The following ZNF860 variants were observed in gnomAD, a reference collection of about 807,000 sequenced individuals.
ZNF860 encodes the protein zinc finger protein 860.
For missense variants in ZNF860, 641 were observed against 759.2 expected (o/e 0.84, Z 1.83); for synonymous variants, 206 against 248.9 (o/e 0.83, Z 1.62).
chr3:31,996,507 A>G (rs113172195), downstream of ZNF860, among the ~76,000 whole-genome samples: 45,338 of 151,716 alleles, frequency 0.3, 8,811 homozygotes, highest in African/African-American at 0.55. Context: ...CAGGGGGAGA[A>G]GGGGGTTAGT....
At chr3:32,000,642 C>T in the ZNF860 span, among the ~76,000 whole-genome samples, 1 of 152,198 alleles carries the variant, frequency 6.6e-6, no homozygotes, top group Non-Finnish European at 1.5e-5. Flanking sequence ...TTCCTCGTGA[C>T]GGTTGTTCCT....
chr3:32,001,081 G>A, the ZNF860 span, among the ~76,000 whole-genome samples: 1 of 152,198 alleles, frequency 6.6e-6, no homozygotes, highest in Non-Finnish European at 1.5e-5. Context: ...AGAGATGAGT[G>A]AAGGCATCTA....
chr3:32,006,225 C>T, the ZNF860 span, among the ~76,000 whole-genome samples: 4 of 151,804 alleles, frequency 2.6e-5, no homozygotes, highest in Non-Finnish European at 2.9e-5. Flanking sequence ...GGATTACAGG[C>T]GTGAGCCACC....
At chr3:32,002,701 G>C in the ZNF860 span, among the ~76,000 whole-genome samples, 452 of 152,282 alleles carry the variant, frequency 3.0e-3, 2 homozygotes, top group Non-Finnish European at 3.0e-3. Context: ...TAAGATTTTA[G>C]AGAAAAAAGG....
At position 31,989,526 on chromosome 3, in the gene ZNF860, G is replaced by T. The variant is rs1401399705; in HGVS notation, c.447G>T (p.Lys149Asn). The T allele has an allele frequency of 1.2e-6, 2 of 1,614,192 alleles. No homozygotes were observed. Among genetic ancestry groups the T allele is most frequent in the African/African-American group, 2.7e-5 (2 of 75,046 alleles). Reference protein sequence around the residue: ...DRYDRRHPGNKPIKDQLGLSF... With the variant: ...DRYDRRHPGNNPIKDQLGLSF... ...ATGATCGAAGGCATCCTGGAAACAA[G>T]CCTATCAAAGATCAGCTTGGATTAA... Residue 149 changes from lysine (K) to asparagine (N), a missense_variant, in exon 2 of 2, where the codon AAG (lysine) becomes AAT (asparagine). Coordinates refer to ENST00000360311, the MANE Select transcript of ZNF860 (RefSeq NM_001137674.3).
chr3:31,994,491 AGGATGGAT>A (rs200832488), downstream of ZNF860, among the ~76,000 whole-genome samples: 2,288 of 149,730 alleles, frequency 0.015, 50 homozygotes, highest in African/African-American at 0.052. Context: ...AGGGAAAAAA[AGGATGGAT>A]GGATGGATGG....
chr3:31,983,422 C>T (rs1160746622), intron 1 of ZNF860, among the ~76,000 whole-genome samples: 5 of 152,166 alleles, frequency 3.3e-5, no homozygotes, highest in African/African-American at 4.8e-5. Flanking sequence ...AATGAGCTAG[C>T]ACAACAAATT....
At chr3:32,004,693 A>G in the ZNF860 span, among the ~76,000 whole-genome samples, 1 of 152,228 alleles carries the variant, frequency 6.6e-6, no homozygotes, top group Non-Finnish European at 1.5e-5. Flanking sequence ...TCAGGTACCA[A>G]GAGAACAACA....
chr3:31,999,383 CA>C, the ZNF860 span, among the ~76,000 whole-genome samples: 1 of 115,796 alleles, frequency 8.6e-6, no homozygotes, highest in Non-Finnish European at 1.7e-5. Flanking sequence ...TTTTTTGAGA[CA>C]AGGTCTCACT....
At chr3:31,997,788 GT>G in the ZNF860 span, among the ~76,000 whole-genome samples, 2 of 151,826 alleles carry the variant, frequency 1.3e-5, no homozygotes, top group Non-Finnish European at 2.9e-5. Context: ...GTTTTGTTTT[GT>G]TTTTGTTTCT....
chr3:31,982,120 G>A (rs780434040), intron 1 of ZNF860, among the ~76,000 whole-genome samples: 1 of 152,148 alleles, frequency 6.6e-6, no homozygotes, highest in African/African-American at 2.4e-5. Context: ...CACACTGCAC[G>A]TGCACCTAGG....
intron 1 of ZNF860, among the ~76,000 whole-genome samples, chr3:31,984,738 T>C (rs1698909931): frequency 6.6e-6 from 1 of 152,214 alleles, no homozygotes; most frequent in Non-Finnish European, 1.5e-5. Context: ...TAGTTTGGTG[T>C]TCAAACAAGG....
the ZNF860 span, among the ~76,000 whole-genome samples, chr3:31,998,997 A>G: frequency 6.6e-6 from 1 of 152,244 alleles, no homozygotes; most frequent in Admixed American, 6.5e-5. Context: ...GTCGAAGAAG[A>G]TGTGTAAAAG....
chr3:31,983,451 A>G (rs998428689), intron 1 of ZNF860, among the ~76,000 whole-genome samples: 2 of 152,254 alleles, frequency 1.3e-5, no homozygotes, highest in East Asian at 3.8e-4. Flanking sequence ...GGACTAAAAA[A>G]TTAGACCCTT....
At chr3:31,994,100 A>C (rs564498470), downstream of ZNF860, among the ~76,000 whole-genome samples, 1 of 152,354 alleles carries the variant, frequency 6.6e-6, no homozygotes, top group South Asian at 2.1e-4. Flanking sequence ...TCTCATATGC[A>C]TTATGTTCAG....
rs35460795 is a variant in ZNF860, at chr3:31,991,256, G to C, written c.*278G>C. ...AGGTCAGGAGTTTGAGACCATCCTGGCCAAAAGACGTGAGCCACTTTTCCT... is the reference window on the plus strand; with the variant it reads ...AGGTCAGGAGTTTGAGACCATCCTGCCCAAAAGACGTGAGCCACTTTTCCT... On this transcript the variant is annotated 3_prime_UTR_variant, in exon 2 of 2. Transcript: ENST00000360311. The C allele has an allele frequency of 2.8e-6, 1 of 354,272 alleles. No homozygotes were observed. Among genetic ancestry groups the C allele is most frequent in the South Asian group, 6.8e-5 (1 of 14,694 alleles). The allele number at this position is 354,272 out of a possible 1,614,324, so 21.9% of individuals were successfully genotyped here.
chr3:31,998,833 T>C, the ZNF860 span, among the ~76,000 whole-genome samples: 3 of 152,232 alleles, frequency 2.0e-5, no homozygotes, highest in African/African-American at 4.8e-5. Flanking sequence ...ATCTGCACCA[T>C]TAATGGAGAG....
At chr3:31,996,346 T>G (rs188675192), downstream of ZNF860, among the ~76,000 whole-genome samples, 9 of 152,330 alleles carry the variant, frequency 5.9e-5, no homozygotes, top group East Asian at 1.7e-3. Context: ...ACTTGATTTC[T>G]CTAAACTCTC....
the ZNF860 span, among the ~76,000 whole-genome samples, chr3:32,000,486 T>A: frequency 1.3e-5 from 2 of 152,156 alleles, no homozygotes; most frequent in Admixed American, 1.3e-4. Context: ...CGAAATGAAA[T>A]TGTAAGGAGG....
Sources: gnomAD v4.1 joint callset for allele counts (sites outside exome capture counted in the v4.1 genomes callset) on GRCh38, gnomAD v4.1.1 for gene constraint, MANE v1.5 for transcripts, NCBI Gene and HGNC (gene_info 2026-07-23, HGNC 2026-07-21) for gene names.